Variants in CEP112 observed in about 807,000 individuals in gnomAD.
CEP112 encodes centrosomal protein of 112 kDa.
A neutral mutation model predicts 153.0 loss-of-function variants in CEP112; 127 were observed. The observed-to-expected ratio is 0.83, with a 90% CI of 0.72 to 0.96. The LOEUF (loss-of-function observed/expected upper bound fraction) is 0.96, where lower values mean the gene tolerates loss of function less well. Ranked by LOEUF, CEP112 falls within the 40% of genes least tolerant of loss-of-function variation. The pLI is 0.00. For missense variants in CEP112, 1,089 were observed against 1,101.2 expected (o/e 0.99, Z 0.16); for synonymous variants, 358 against 374.4 (o/e 0.96, Z 0.51).
At chr17:65,743,358 C>G (rs1360183101) in intron 22 of CEP112, 141 bp from the exon 23 acceptor site, 6 of 609,376 alleles carry the variant, frequency 9.8e-6, no homozygotes, top group South Asian at 2.6e-5. Context: ...ATATCACACA[C>G]TATAATGCAT....
At chr17:65,884,290 G>C (rs2059192345) in intron 20 of CEP112, among the ~76,000 whole-genome samples, 1 of 152,202 alleles carries the variant, frequency 6.6e-6, no homozygotes, top group Non-Finnish European at 1.5e-5. Context: ...AATTTGGTAA[G>C]ACAGCATGAA....
At chr17:65,884,719 C>CTT (rs1401066748) in intron 20 of CEP112, among the ~76,000 whole-genome samples, 28 of 86,620 alleles carry the variant, frequency 3.2e-4, no homozygotes, top group African/African-American at 4.9e-4. Flanking sequence ...TTTTTTTTTT[C>CTT]TTTTTTTTTT....
chr17:65,929,406 G>C (rs774464873), intron 18 of CEP112, among the ~76,000 whole-genome samples: 1 of 152,224 alleles, frequency 6.6e-6, no homozygotes, highest in Non-Finnish European at 1.5e-5. Flanking sequence ...TCACCTTGTG[G>C]GCAGGAGGTT....
chr17:66,022,564 C>G (rs1806337510), intron 16 of CEP112, among the ~76,000 whole-genome samples: 1 of 151,770 alleles, frequency 6.6e-6, no homozygotes, highest in Admixed American at 6.6e-5. Context: ...AAAAAATTAG[C>G]CAGGTATTGT....
chr17:65,920,096 G>T lies in CEP112; in HGVS notation c.1980+7486C>A, dbSNP rs957974380. 2.0e-5 allele frequency among the ~76,000 whole-genome samples: 3 copies of T among 151,974 alleles called. No homozygotes were observed. In the South Asian group the frequency reaches 6.2e-4, roughly 32 times the overall value. On this transcript the variant is annotated intron_variant, in intron 19 of 26. Transcript: ENST00000535342. Reference sequence around the variant, plus strand: ...GCAGTGGCTCACGCCTGTAATCCCAGCACTTTGGGAGGCAGAGGCAGGTGG... The same window carrying T: ...GCAGTGGCTCACGCCTGTAATCCCATCACTTTGGGAGGCAGAGGCAGGTGG...
chr17:66,034,014 C>T (rs1316839131), intron 12 of CEP112, among the ~76,000 whole-genome samples: 1 of 151,950 alleles, frequency 6.6e-6, no homozygotes, highest in Non-Finnish European at 1.5e-5. Context: ...ATGAAGGGTC[C>T]GCTTTTTCTG....
intron 24 of CEP112, among the ~76,000 whole-genome samples, chr17:65,650,119 CT>C (rs1380513473): frequency 6.6e-6 from 1 of 152,192 alleles, no homozygotes; most frequent in East Asian, 1.9e-4. Flanking sequence ...ATGCCCTGTG[CT>C]TTTTCTCACA....
At chr17:66,170,146 T>G (rs935112369) in intron 4 of CEP112, among the ~76,000 whole-genome samples, 3 of 152,220 alleles carry the variant, frequency 2.0e-5, no homozygotes, top group African/African-American at 7.2e-5. Context: ...AATATCCCAT[T>G]ACCATTGCCA....
At chr17:66,095,283 TACACATACACACAC>T (rs1470508112) in intron 8 of CEP112, among the ~76,000 whole-genome samples, 4 of 151,976 alleles carry the variant, frequency 2.6e-5, no homozygotes, top group Non-Finnish European at 5.9e-5. Flanking sequence ...GATATATATA[TACACATACACACAC>T]ACACATACAC....
chr17:65,971,536 GTA>G (rs2062815338), intron 17 of CEP112, among the ~76,000 whole-genome samples: 1 of 151,492 alleles, frequency 6.6e-6, no homozygotes, highest in Non-Finnish European at 1.5e-5. Flanking sequence ...TCACCTAAAT[GTA>G]TGTTGCATGT....
At chr17:66,063,720 G>A (rs890519972) in intron 10 of CEP112, among the ~76,000 whole-genome samples, 1 of 152,078 alleles carries the variant, frequency 6.6e-6, no homozygotes, top group East Asian at 1.9e-4. Flanking sequence ...GCTTACAAAC[G>A]TTCTACAGCT....
Position 65,988,237 on chromosome 17 carries a change from G to A in CEP112, c.1736+17453C>T, listed in dbSNP as rs144130410. On this transcript the variant is annotated intron_variant, in intron 17 of 26. Transcript: ENST00000535342. ...GACAAAAAGGAGGCAGTGATCTAGC[G>A]AGATAAGAAAGAAAGAAATCAACAA... Among the ~76,000 whole-genome samples, 852 of 152,204 alleles carry A rather than the reference G, an allele frequency of 5.6e-3. 3 individuals carry two copies. Among genetic ancestry groups the A allele is most frequent in the African/African-American group, 0.019 (803 of 41,546 alleles).
chr17:65,856,027 G>A (rs1037130913), intron 20 of CEP112, among the ~76,000 whole-genome samples: 2 of 152,010 alleles, frequency 1.3e-5, no homozygotes, highest in East Asian at 1.9e-4. Context: ...CCTGTACTCC[G>A]GCCTGTGTGA....
chr17:65,911,891 G>A (rs1056052039), intron 19 of CEP112, among the ~76,000 whole-genome samples: 1 of 152,084 alleles, frequency 6.6e-6, no homozygotes, highest in African/African-American at 2.4e-5. Context: ...AGTCGTTTCC[G>A]GAAGGTAAGA....
chr17:65,829,652 A>G (rs1024544122), intron 21 of CEP112, among the ~76,000 whole-genome samples: 2 of 152,236 alleles, frequency 1.3e-5, no homozygotes, highest in African/African-American at 4.8e-5. Flanking sequence ...TATTAAAATA[A>G]TTACAGTCTA....
chr17:65,771,492 C>T (rs951905556), intron 21 of CEP112, among the ~76,000 whole-genome samples: 3 of 152,034 alleles, frequency 2.0e-5, no homozygotes, highest in Admixed American at 6.6e-5. Context: ...ACAAGTAGAC[C>T]GTATTAGTGA....
intron 24 of CEP112, among the ~76,000 whole-genome samples, chr17:65,677,468 C>G (rs2047290632): frequency 1.3e-5 from 2 of 152,100 alleles, no homozygotes; most frequent in Admixed American, 1.3e-4. Flanking sequence ...GGAACTATGC[C>G]TTCTAATTTT....
chr17:65,841,414 G>T (rs1395465283), intron 21 of CEP112, among the ~76,000 whole-genome samples: 1 of 152,026 alleles, frequency 6.6e-6, no homozygotes, highest in African/African-American at 2.4e-5. Flanking sequence ...GACAAATATT[G>T]CATGTTTTCA....
intron 8 of CEP112, among the ~76,000 whole-genome samples, chr17:66,095,679 AAAT>A (rs2068313797): frequency 6.6e-6 from 1 of 152,248 alleles, no homozygotes; most frequent in Admixed American, 6.5e-5. Context: ...TCATTACAAA[AAAT>A]AATGATAAGT....
Sources: allele counts gnomAD v4.1 joint callset (sites outside exome capture counted in the v4.1 genomes callset), GRCh38; gene constraint gnomAD v4.1.1; transcripts MANE v1.5; gene names NCBI Gene and HGNC (gene_info 2026-07-23, HGNC 2026-07-21).